The following OTUD7A variants were observed in gnomAD, a reference collection of about 807,000 sequenced individuals.
OTUD7A encodes the protein OTU domain-containing protein 7A.
In OTUD7A, 12 loss-of-function variants were observed where a neutral mutation model predicts 65.7. The observed-to-expected ratio is 0.18, with a 90% CI of 0.12 to 0.30. The LOEUF is 0.30. Ranked by LOEUF, OTUD7A falls within the 10% of genes least tolerant of loss-of-function variation. The pLI is 1.00. For synonymous variants in OTUD7A, 641 were observed against 586.3 expected (o/e 1.09, Z -1.35); for missense variants, 1,148 against 1,304.8 (o/e 0.88, Z 1.85).
chr15:31,482,341 T>C lies in OTUD7A; in HGVS notation c.*953A>G, dbSNP rs945350278. The C allele has an allele frequency of 6.6e-6, 1 of 152,332 alleles. No homozygotes were observed. The highest frequency in any genetic ancestry group is 2.4e-5 in the African/African-American group (1 of 41,466). The allele number at this position is 152,332 out of a possible 1,614,324, so 9.4% of individuals were successfully genotyped here. On this transcript the variant is annotated 3_prime_UTR_variant, in exon 13 of 13. Transcript: ENST00000307050. ...CCCTTTGGAAAGAGCAGCAGCCTAG[T>C]GGGGGCTTACACAGTGACCAAAGGG...
intron 3 of OTUD7A, among the ~76,000 whole-genome samples, chr15:31,613,472 C>G (rs1890491519): frequency 6.6e-6 from 1 of 151,938 alleles, no homozygotes; most frequent in Admixed American, 6.6e-5. Context: ...ACAATCCCGT[C>G]AAAAAGTGGG....
intron 1 of OTUD7A, among the ~76,000 whole-genome samples, chr15:31,659,826 G>T (rs1160773740): frequency 6.6e-6 from 1 of 152,260 alleles, no homozygotes; most frequent in African/African-American, 2.4e-5. Context: ...ACAGCACACT[G>T]AACACAGGGA....
At chr15:31,609,786 CCACCAAAGCTAAGAACGCT>C (rs1258103545) in intron 3 of OTUD7A, among the ~76,000 whole-genome samples, 19 of 152,322 alleles carry the variant, frequency 1.2e-4, no homozygotes, top group Admixed American at 5.2e-4. Flanking sequence ...GAACATTAAA[CCACCAAAGCTAAGAACGCT>C]CACAGAGTCC....
chr15:31,846,521 T>G (rs558261876), intron 1 of OTUD7A, among the ~76,000 whole-genome samples: 2 of 152,174 alleles, frequency 1.3e-5, no homozygotes, highest in African/African-American at 4.8e-5. Context: ...GGGCAGGAAC[T>G]GGTATGGCTC....
intron 3 of OTUD7A, among the ~76,000 whole-genome samples, chr15:31,602,085 T>G (rs926649614): frequency 2.0e-5 from 3 of 151,572 alleles, no homozygotes; most frequent in Non-Finnish European, 4.4e-5. Context: ...AAAGAGAGAG[T>G]CCTCTCTAAC....
At chr15:31,757,687 C>T (rs1489270863) in intron 1 of OTUD7A, among the ~76,000 whole-genome samples, 1 of 152,130 alleles carries the variant, frequency 6.6e-6, no homozygotes, top group Non-Finnish European at 1.5e-5. Flanking sequence ...CCCACAGTCA[C>T]TAATGAAATG....
Position 31,732,677 on chromosome 15 carries a change from G to A in OTUD7A, c.-99-75600C>T, listed in dbSNP as rs537610139. On this transcript the variant is annotated intron_variant, in intron 1 of 12. Coordinates refer to ENST00000307050, the MANE Select transcript of OTUD7A (RefSeq NM_001382637.1). ...TACAGGTGGCTCTATCAATTGCATC[G>A]CACTCCAGAAAATATTGTATTAGTG... 1.5e-4 allele frequency among the ~76,000 whole-genome samples: 23 copies of A among 152,280 alleles called. No individual in the cohort carries two copies. In the East Asian group the frequency reaches 3.3e-3, roughly 22 times the overall value.
intron 1 of OTUD7A, among the ~76,000 whole-genome samples, chr15:31,720,568 T>G (rs1162800368): frequency 6.6e-6 from 1 of 152,018 alleles, no homozygotes; most frequent in Non-Finnish European, 1.5e-5. Flanking sequence ...GCCCGGCTAA[T>G]TTTTTGTATT....
chr15:31,720,291 T>G (rs564604041), intron 1 of OTUD7A, among the ~76,000 whole-genome samples: 1 of 151,924 alleles, frequency 6.6e-6, no homozygotes. Context: ...GATCATGATG[T>G]TCCAGTCAAT....
In OTUD7A at chr15:31,483,231, C is replaced by A; in HGVS notation, c.*63G>T. 1 of 1,053,128 alleles carries A rather than the reference C, an allele frequency of 9.5e-7. No homozygotes were observed. The highest frequency in any genetic ancestry group is 1.1e-6 in the Non-Finnish European group (1 of 874,948). 65.2% of individuals were successfully genotyped at this position (1,053,128 alleles called of 1,614,324 possible). A position where few individuals can be genotyped will look rare whatever the true frequency, so the allele number is the denominator to read the frequency against. On this transcript the variant is annotated 3_prime_UTR_variant, in exon 13 of 13. Coordinates refer to ENST00000307050, the MANE Select transcript of OTUD7A (RefSeq NM_001382637.1). Reference sequence around the variant, plus strand: ...TGGACCAGGGCATGTAAAAAAGACACCGACACAATGGAAAAGAAATCCTCG... The same window carrying A: ...TGGACCAGGGCATGTAAAAAAGACAACGACACAATGGAAAAGAAATCCTCG...
chr15:31,860,431 T>C (rs1182214507), intron 1 of OTUD7A, among the ~76,000 whole-genome samples: 1 of 151,678 alleles, frequency 6.6e-6, no homozygotes, highest in Non-Finnish European at 1.5e-5. Context: ...ATAGAGCTAT[T>C]AAATGCATTT....
intron 1 of OTUD7A, among the ~76,000 whole-genome samples, chr15:31,798,075 C>A (rs1896019586): frequency 6.6e-6 from 1 of 152,108 alleles, no homozygotes; most frequent in Non-Finnish European, 1.5e-5. Flanking sequence ...ATAAAGACAT[C>A]AGTCATATAG....
intron 10 of OTUD7A, 97 bp downstream of exon 10, chr15:31,501,593 G>A (rs1595560142): frequency 3.3e-6 from 5 of 1,504,878 alleles, no homozygotes; most frequent in East Asian, 4.5e-5. Flanking sequence ...CTAAGGGGGG[G>A]TCTCCACAAT....
At chr15:31,769,098 A>C (rs1352975147) in intron 1 of OTUD7A, among the ~76,000 whole-genome samples, 1 of 152,242 alleles carries the variant, frequency 6.6e-6, no homozygotes, top group Non-Finnish European at 1.5e-5. Context: ...AAGACTCAAC[A>C]ATATGCTTTC....
intron 10 of OTUD7A, among the ~76,000 whole-genome samples, chr15:31,497,621 C>T (rs2041406827): frequency 6.6e-6 from 1 of 152,168 alleles, no homozygotes; most frequent in South Asian, 2.1e-4. Flanking sequence ...AAAGCACCCC[C>T]TCCCTACCCT....
At chr15:31,512,983 C>G (rs79836847) in intron 8 of OTUD7A, among the ~76,000 whole-genome samples, 2,651 of 152,276 alleles carry the variant, frequency 0.017, 88 homozygotes, top group African/African-American at 0.061. Flanking sequence ...TTTTACAAGC[C>G]TCAGCCTCCC....
At chr15:31,499,792 C>T (rs2141079146) in intron 10 of OTUD7A, among the ~76,000 whole-genome samples, 1 of 152,324 alleles carries the variant, frequency 6.6e-6, no homozygotes, top group East Asian at 1.9e-4. Context: ...AGCCAAAGAC[C>T]CACACCACAG....
chr15:31,672,448 A>G (rs1892504641), intron 1 of OTUD7A, among the ~76,000 whole-genome samples: 1 of 152,188 alleles, frequency 6.6e-6, no homozygotes, highest in African/African-American at 2.4e-5. Context: ...TATCTATCTC[A>G]CTAAGGAAAA....
chr15:31,703,775 A>G (rs1893267122), intron 1 of OTUD7A, among the ~76,000 whole-genome samples: 1 of 148,824 alleles, frequency 6.7e-6, no homozygotes, highest in Non-Finnish European at 1.5e-5. Flanking sequence ...GGATGTTCAT[A>G]GCAACTTTCT....
Sources: gnomAD v4.1 joint callset for allele counts (sites outside exome capture counted in the v4.1 genomes callset) on GRCh38, gnomAD v4.1.1 for gene constraint, MANE v1.5 for transcripts, NCBI Gene and HGNC (gene_info 2026-07-23, HGNC 2026-07-21) for gene names.